ROS1: variants seen among roughly 807,000 people sequenced by gnomAD.
The protein encoded by ROS1 is ROS proto-oncogene 1, receptor tyrosine kinase, also known as proto-oncogene tyrosine-protein kinase ROS.
ROS1 carries 263 observed loss-of-function variants against 273.5 expected under a neutral mutation model. That is an observed-to-expected ratio of 0.96 (90% CI 0.87 to 1.06). The LOEUF (loss-of-function observed/expected upper bound fraction) is 1.06. ROS1 is among the 50% of genes least tolerant of loss of function. The pLI, the probability that ROS1 is intolerant of heterozygous loss-of-function variation, is 0.00. For synonymous variants in ROS1, 1,008 were observed against 954.1 expected (o/e 1.06, Z -1.04); for missense variants, 2,833 against 2,751.1 (o/e 1.03, Z -0.67).
rs201263865 is a variant in ROS1, at chr6:117,412,951, AT to A, written c.255+1567del. 1.3e-4 allele frequency among the ~76,000 whole-genome samples: 20 copies of A among 151,340 alleles called. No individual in the cohort carries two copies. The East Asian group carries it at 1.7e-3, about 13-fold the overall frequency. On this transcript the variant is annotated intron_variant, in intron 4 of 43. Transcript: ENST00000368507. Reference sequence around the variant, plus strand: ...CATCACATAAAAGGATTTGCAGGCAATTTTTTTTTCTATCTCAATGAGGAGA... The same window carrying A: ...CATCACATAAAAGGATTTGCAGGCAATTTTTTTTCTATCTCAATGAGGAGA...
intron 1 of ROS1, among the ~76,000 whole-genome samples, chr6:117,421,237 CAA>C (rs1491438171): frequency 6.8e-6 from 1 of 146,706 alleles, no homozygotes; most frequent in Non-Finnish European, 1.5e-5. Flanking sequence ...TATTATATTG[CAA>C]TATATATATA....
At chr6:117,356,587 C>G in intron 26 of ROS1, 42 bp downstream of exon 26, 1 of 1,560,342 alleles carries the variant, frequency 6.4e-7, no homozygotes, top group African/African-American at 1.4e-5. Context: ...GAAGGGGCTG[C>G]TCTTATTAAC....
At chr6:117,300,191 T>A (rs1400536743) in intron 43 of ROS1, among the ~76,000 whole-genome samples, 3 of 147,958 alleles carry the variant, frequency 2.0e-5, no homozygotes, top group African/African-American at 7.5e-5. Context: ...GACCTCATGA[T>A]CCGCCCGCCT....
chr6:117,403,941 T>C (rs1015524293), intron 6 of ROS1, among the ~76,000 whole-genome samples: 21 of 152,156 alleles, frequency 1.4e-4, no homozygotes, highest in African/African-American at 5.1e-4. Context: ...AATTTGGCAC[T>C]TTTAAAAATT....
chr6:117,389,201 A>G, intron 13 of ROS1, 149 bp downstream of exon 13: 1 of 847,140 alleles, frequency 1.2e-6, no homozygotes, highest in Middle Eastern at 3.7e-4. Flanking sequence ...GAACAAATGT[A>G]TAAACTTTTT....
At chr6:117,418,305 A>G (rs1775485710) in intron 2 of ROS1, among the ~76,000 whole-genome samples, 157 bp downstream of exon 2, 1 of 152,258 alleles carries the variant, frequency 6.6e-6, no homozygotes, top group South Asian at 2.1e-4. Context: ...TCATTTTTAT[A>G]TAAATTCAGA....
chr6:117,374,998 A>G (rs935210680), intron 18 of ROS1, among the ~76,000 whole-genome samples: 1 of 152,268 alleles, frequency 6.6e-6, no homozygotes, highest in Non-Finnish European at 1.5e-5. Flanking sequence ...ATACATGCAC[A>G]TGCATGTTTA....
intron 11 of ROS1, 66 bp from the exon 12 acceptor site, chr6:117,393,387 A>T: frequency 9.9e-7 from 1 of 1,006,870 alleles, no homozygotes; most frequent in South Asian, 1.3e-5. Context: ...TTCAGCCAAC[A>T]AGTATCCCTG....
chr6:117,378,953 A>G (rs1188533535), intron 18 of ROS1, 106 bp downstream of exon 18: 3 of 697,326 alleles, frequency 4.3e-6, no homozygotes, highest in Non-Finnish European at 7.4e-6. Context: ...AACACAGTGG[A>G]TAACCAGAAA....
At chr6:117,381,961 C>T (rs746804047) in intron 17 of ROS1, among the ~76,000 whole-genome samples, 1 of 151,974 alleles carries the variant, frequency 6.6e-6, no homozygotes, top group Non-Finnish European at 1.5e-5. Flanking sequence ...TGGGGAAGTC[C>T]CCAAGGTCAC....
chr6:117,337,193 G>C lies in ROS1; in HGVS notation c.5209C>G (p.Pro1737Ala), dbSNP rs771301135. 8.7e-6 allele frequency: 14 copies of C among 1,612,182 alleles called. No individual in the cohort carries two copies. Among genetic ancestry groups the C allele is most frequent in the Non-Finnish European group, 1.2e-5 (14 of 1,178,852 alleles). The change falls in exon 32 of 44, where the codon CCA (proline) becomes GCA (alanine). Residue 1737 changes from proline to alanine, a missense_variant. Pro to Ala is a conservative substitution (Grantham distance 27, BLOSUM62 -1). Coordinates refer to ENST00000368507, the MANE Select transcript of ROS1 (RefSeq NM_001378902.1). ...YKTGENSTSL[P>A]ESFKTKAGVP... Reference sequence around the variant, plus strand: ...TCACCTTTTGTCTTAAAGCTTTCTGGAAGTGAGGTGCTATTTTCTCCCGTC... The same window carrying C: ...TCACCTTTTGTCTTAAAGCTTTCTGCAAGTGAGGTGCTATTTTCTCCCGTC...
chr6:117,362,200 C>A (rs764436752), intron 22 of ROS1, among the ~76,000 whole-genome samples: 1 of 152,104 alleles, frequency 6.6e-6, no homozygotes, highest in Non-Finnish European at 1.5e-5. Context: ...TTCACCCAAG[C>A]AATCCCCTCT....
chr6:117,344,950 C>A (rs1244788003), intron 27 of ROS1, among the ~76,000 whole-genome samples: 1 of 152,210 alleles, frequency 6.6e-6, no homozygotes, highest in African/African-American at 2.4e-5. Context: ...CTGTCACTTG[C>A]AGCTGAACAC....
chr6:117,379,061 C>G lies in ROS1; in HGVS notation c.2580G>C (p.Gln860His). 1 of 1,599,388 alleles carries G rather than the reference C, an allele frequency of 6.3e-7. No homozygotes were observed. Among genetic ancestry groups the G allele is most frequent in the Non-Finnish European group, 8.6e-7 (1 of 1,168,994 alleles). Residue 860 changes from glutamine (Q) to histidine (H), a missense_variant and splice_region_variant, in exon 18 of 44, where the codon CAG becomes CAC. By Grantham distance (24) the Gln-to-His change is conservative (BLOSUM62 0). Coordinates refer to ENST00000368507, the MANE Select transcript of ROS1 (RefSeq NM_001378902.1). ...TGCCTTTGAGGGACTCTACTTACCT[C>G]TGTCCCCGAAGAACAGCTGTGTACA... ...IHLYTAVLRG[Q>H]STGDTTITEF...
intron 17 of ROS1, among the ~76,000 whole-genome samples, chr6:117,379,681 C>G (rs1159158143): frequency 6.6e-6 from 1 of 152,108 alleles, no homozygotes; most frequent in African/African-American, 2.4e-5. Flanking sequence ...CCAGGCTGCA[C>G]TCTATTAATT....
At chr6:117,359,742 C>A (rs1779625461) in intron 24 of ROS1, 67 bp downstream of exon 24, 3 of 1,290,698 alleles carry the variant, frequency 2.3e-6, no homozygotes, top group African/African-American at 1.5e-5. Flanking sequence ...GTCATTTTAA[C>A]TACAAAGTAG....
chr6:117,347,327 T>G (rs1465285280), intron 27 of ROS1, among the ~76,000 whole-genome samples: 3 of 152,160 alleles, frequency 2.0e-5, no homozygotes, highest in South Asian at 2.1e-4. Flanking sequence ...TGGGTGTTAA[T>G]GTAAATGATA....
chr6:117,317,105 G>T (rs757773609), intron 39 of ROS1, 38 bp downstream of exon 39: 20 of 1,591,418 alleles, frequency 1.3e-5, no homozygotes, highest in Non-Finnish European at 1.6e-5. Context: ...TAGGGCATTT[G>T]CATTATGAAA....
At chr6:117,395,173 G>A (rs1773394059) in intron 9 of ROS1, among the ~76,000 whole-genome samples, 1 of 152,142 alleles carries the variant, frequency 6.6e-6, no homozygotes, top group South Asian at 2.1e-4. Flanking sequence ...TAGGGCAGAA[G>A]AAAGGTCCTT....
Sources: allele counts gnomAD v4.1 joint callset (sites outside exome capture counted in the v4.1 genomes callset), GRCh38; gene constraint gnomAD v4.1.1; transcripts MANE v1.5; gene names NCBI Gene and HGNC (gene_info 2026-07-23, HGNC 2026-07-21).